Variants in KCNJ12 observed in about 807,000 individuals in gnomAD.
The protein encoded by KCNJ12 is potassium inwardly rectifying channel subfamily J member 12.
In KCNJ12, 2 loss-of-function variants were observed where a neutral mutation model predicts 22.3. The observed-to-expected ratio is 0.09, with a 90% CI of 0.04 to 0.28. The LOEUF (loss-of-function observed/expected upper bound fraction) is 0.28. Ranked by LOEUF, KCNJ12 falls within the 10% of genes least tolerant of loss-of-function variation. The pLI, the probability that KCNJ12 is intolerant of heterozygous loss-of-function variation, is 1.00. For synonymous variants in KCNJ12, 117 were observed against 261.4 expected (o/e 0.45, Z 5.33); for missense variants, 155 against 633.3 (o/e 0.24, Z 8.11).
At chr17:21,409,851 T>C (rs76932079) in intron 2 of KCNJ12, among the ~76,000 whole-genome samples, 1 of 146,654 alleles carries the variant, frequency 6.8e-6, no homozygotes, top group Non-Finnish European at 1.5e-5. Flanking sequence ...CTAGCCTGCA[T>C]TTGGCATAGG....
intron 2 of KCNJ12, among the ~76,000 whole-genome samples, chr17:21,410,127 C>T (rs1906234076): frequency 6.6e-6 from 1 of 152,176 alleles, no homozygotes; most frequent in Admixed American, 6.5e-5. Context: ...CCACTCCTGG[C>T]TCTGGCAGTG....
chr17:21,381,202 C>T (rs148652222), intron 1 of KCNJ12, among the ~76,000 whole-genome samples: 5 of 152,170 alleles, frequency 3.3e-5, no homozygotes, highest in African/African-American at 7.2e-5. Flanking sequence ...AGCCCTCCCT[C>T]CTGCTTGGGC....
At chr17:21,395,568 C>CAAAAAAAAAAAAAAAAAAAAAAAAAAAAA (rs10652801) in intron 1 of KCNJ12, among the ~76,000 whole-genome samples, 1 of 48,132 alleles carries the variant, frequency 2.1e-5, no homozygotes, top group Non-Finnish European at 3.3e-5. Context: ...GACTTCTTCT[C>CAAAAAAAAAAAAAAAAAAAAAAAAAAAAA]AAAAAAAAAA....
intron 2 of KCNJ12, among the ~76,000 whole-genome samples, chr17:21,413,178 G>A (rs34092443): frequency 0.062 from 5,303 of 85,224 alleles, 1 homozygote; most frequent in Middle Eastern, 0.16. Context: ...TAGTGTGGAC[G>A]TGGCCAGAAG....
intron 1 of KCNJ12, among the ~76,000 whole-genome samples, chr17:21,390,550 C>T (rs919243047): frequency 1.3e-5 from 2 of 151,760 alleles, no homozygotes; most frequent in East Asian, 1.9e-4. Context: ...GACCAAGGGG[C>T]GGGGGCACAG....
rs570380801 is a variant in KCNJ12, at chr17:21,378,385, C to T, written c.-179+1472C>T. On this transcript the variant is annotated intron_variant, in intron 1 of 2. Transcript: ENST00000583088. ...TCAGTGTCTGCTGGGACCGCCCCCC[C>T]CAACAAAAGACTTCACAGCGAAGTC... Among the ~76,000 whole-genome samples, 5 of 152,344 alleles carry T rather than the reference C, an allele frequency of 3.3e-5. No homozygotes were observed. The South Asian group carries it at 1.0e-3, about 32-fold the overall frequency.
At chr17:21,386,433 A>G (rs1905072245) in intron 1 of KCNJ12, among the ~76,000 whole-genome samples, 1 of 152,082 alleles carries the variant, frequency 6.6e-6, no homozygotes. Flanking sequence ...TCCTGCCTTA[A>G]TCTCCCAAGT....
At chr17:21,397,528 G>T (rs1555560033) in intron 1 of KCNJ12, among the ~76,000 whole-genome samples, 1 of 152,232 alleles carries the variant, frequency 6.6e-6, no homozygotes, top group African/African-American at 2.4e-5. Flanking sequence ...CCCGGCAGAG[G>T]CTGATGAGCT....
At chr17:21,393,019 C>A (rs1431532834) in intron 1 of KCNJ12, among the ~76,000 whole-genome samples, 2 of 152,136 alleles carry the variant, frequency 1.3e-5, no homozygotes, top group African/African-American at 4.8e-5. Context: ...CTTTCCGAGT[C>A]CCCTACTCTC....
Position 21,419,242 on chromosome 17 carries a change from ACT to A in KCNJ12, c.*2600_*2601del. The A allele has an allele frequency of 6.0e-6, 1 of 166,674 alleles. No individual in the cohort carries two copies. The allele number at this position is 166,674 out of a possible 1,614,324, so 10.3% of individuals were successfully genotyped here. Reference sequence around the variant, plus strand: ...ATACATGTGTGGTGCACACATGCACACTCGGCTCTTCATGTGTATGACTGGGT... The same window carrying A: ...ATACATGTGTGGTGCACACATGCACACGGCTCTTCATGTGTATGACTGGGT... On this transcript the variant is annotated 3_prime_UTR_variant, in exon 3 of 3. Transcript: ENST00000583088.
intron 1 of KCNJ12, among the ~76,000 whole-genome samples, chr17:21,407,755 TCATCCATC>T (rs1240756282): frequency 7.4e-5 from 11 of 148,854 alleles, no homozygotes; most frequent in South Asian, 2.1e-4. Flanking sequence ...ATCCATCCAT[TCATCCATC>T]CATCCATCCA....
At chr17:21,409,678 G>A (rs1714898) in intron 2 of KCNJ12, among the ~76,000 whole-genome samples, 209 of 152,336 alleles carry the variant, frequency 1.4e-3, no homozygotes, top group South Asian at 0.012. Context: ...ATGGCAGAGC[G>A]TGCCCATGGC....
At chr17:21,401,569 T>A (rs1225394411) in intron 1 of KCNJ12, among the ~76,000 whole-genome samples, 3 of 152,164 alleles carry the variant, frequency 2.0e-5, no homozygotes, top group Non-Finnish European at 4.4e-5. Context: ...GTTCCCAAGC[T>A]ATGGGGCCTC....
intron 1 of KCNJ12, among the ~76,000 whole-genome samples, chr17:21,393,103 C>G (rs1177116626): frequency 6.6e-6 from 1 of 152,144 alleles, no homozygotes; most frequent in Admixed American, 6.5e-5. Context: ...ACGGCCGTAC[C>G]GGCTCTCCCT....
At chr17:21,406,896 G>C (rs547096090) in intron 1 of KCNJ12, among the ~76,000 whole-genome samples, 359 of 152,338 alleles carry the variant, frequency 2.4e-3, no homozygotes, top group Non-Finnish European at 4.2e-3. Flanking sequence ...GAGATCCTCA[G>C]AGCCCCTTCC....
At chr17:21,386,769 G>A (rs1203207841) in intron 1 of KCNJ12, among the ~76,000 whole-genome samples, 1 of 152,152 alleles carries the variant, frequency 6.6e-6, no homozygotes, top group African/African-American at 2.4e-5. Context: ...GCCTCCCAAA[G>A]TGCTAGGATT....
At chr17:21,391,310 T>G (rs1597561112) in intron 1 of KCNJ12, among the ~76,000 whole-genome samples, 1 of 152,166 alleles carries the variant, frequency 6.6e-6, no homozygotes, top group Non-Finnish European at 1.5e-5. Flanking sequence ...AGAGGTGAAA[T>G]GGCTGGGCCT....
At chr17:21,400,948 C>T (rs1321159101) in intron 1 of KCNJ12, among the ~76,000 whole-genome samples, 13 of 152,416 alleles carry the variant, frequency 8.5e-5, no homozygotes, top group African/African-American at 2.4e-4. Context: ...GCAGCTCCAG[C>T]GGTCTGCATT....
rs539674013 is a variant in KCNJ12 at position 21,418,291 on chromosome 17, C to T, written c.*1647C>T. The T allele has an allele frequency of 1.4e-5, 2 of 143,620 alleles. No individual in the cohort carries two copies. Among genetic ancestry groups the T allele is most frequent in the Non-Finnish European group, 3.0e-5 (2 of 65,718 alleles). The allele number at this position is 143,620 out of a possible 1,614,324, so 8.9% of individuals were successfully genotyped here. On this transcript the variant is annotated 3_prime_UTR_variant, in exon 3 of 3. Transcript: ENST00000583088. The stretch of plus-strand genomic sequence containing the variant: ...TCCTGCTCCAACTCTGCCCCCGAGA[C>T]AGCTCAGAGCCAGAAGGCACCCCGA...
Sources: allele counts gnomAD v4.1 joint callset (sites outside exome capture counted in the v4.1 genomes callset), GRCh38; gene constraint gnomAD v4.1.1; transcripts MANE v1.5; gene names NCBI Gene and HGNC (gene_info 2026-07-23, HGNC 2026-07-21).